Variants in LRRC7 observed in about 807,000 individuals in gnomAD.
The protein encoded by LRRC7 is leucine rich repeat containing 7, also known as leucine-rich repeat-containing protein 7.
In LRRC7, 23 loss-of-function variants were observed where a neutral mutation model predicts 175.7. The ratio of observed to expected loss-of-function variants is 0.13; its 90% CI spans 0.09 to 0.19. The LOEUF (loss-of-function observed/expected upper bound fraction) is 0.19. Among genes scored for constraint, LRRC7 ranks in the 10% least tolerant of loss-of-function variants. The probability of loss-of-function intolerance (pLI) is 1.00; values close to 1 mark genes in which losing one functional copy is unlikely to be tolerated. For missense variants in LRRC7, 1,354 were observed against 1,904.7 expected (o/e 0.71, Z 5.38); for synonymous variants, 685 against 680.9 (o/e 1.01, Z -0.09).
chr1:69,936,285 G>A (rs1648011183), intron 8 of LRRC7, among the ~76,000 whole-genome samples: 1 of 152,036 alleles, frequency 6.6e-6, no homozygotes, highest in Non-Finnish European at 1.5e-5. Context: ...AAAAATGTTA[G>A]GACTTGATTA....
At chr1:69,778,921 C>T (rs1673140902) in intron 3 of LRRC7, among the ~76,000 whole-genome samples, 1 of 145,240 alleles carries the variant, frequency 6.9e-6, no homozygotes, top group Admixed American at 6.9e-5. Context: ...CACATACACA[C>T]ACACACTCAT....
chr1:69,854,905 G>T (rs897764616), intron 7 of LRRC7, among the ~76,000 whole-genome samples: 3 of 152,072 alleles, frequency 2.0e-5, no homozygotes, highest in Non-Finnish European at 4.4e-5. Context: ...GGCGAAGTGG[G>T]GGGGACCTGG....
At chr1:69,801,377 C>A (rs1384168974) in intron 4 of LRRC7, among the ~76,000 whole-genome samples, 1 of 151,536 alleles carries the variant, frequency 6.6e-6, no homozygotes, top group African/African-American at 2.4e-5. Flanking sequence ...TGCCTTATTA[C>A]TGATTCTATC....
chr1:69,692,733 A>C (rs964195796), intron 2 of LRRC7, among the ~76,000 whole-genome samples: 2 of 152,218 alleles, frequency 1.3e-5, no homozygotes, highest in African/African-American at 4.8e-5. Flanking sequence ...GTGTGCTTGT[A>C]ATACACAGCA....
intron 17 of LRRC7, 136 bp downstream of exon 17, chr1:70,023,510 A>T: frequency 1.1e-6 from 1 of 947,004 alleles, no homozygotes; most frequent in Non-Finnish European, 1.4e-6. Context: ...CCAGTGTTTT[A>T]TCTCAATTTA....
intron 16 of LRRC7, 93 bp from the exon 17 acceptor site, chr1:70,023,033 G>A (rs1274264271): frequency 2.5e-5 from 35 of 1,376,690 alleles, no homozygotes; most frequent in Non-Finnish European, 3.4e-5. Flanking sequence ...ATAACTCAGA[G>A]TGAAAGAAAA....
chr1:69,793,133 G>T (rs966261507), intron 4 of LRRC7, among the ~76,000 whole-genome samples: 1 of 152,110 alleles, frequency 6.6e-6, no homozygotes, highest in African/African-American at 2.4e-5. Flanking sequence ...GAACAAAACA[G>T]ATCCTGCCCT....
intron 2 of LRRC7, among the ~76,000 whole-genome samples, chr1:69,697,188 AT>A (rs1662718832): frequency 6.6e-6 from 1 of 151,766 alleles, no homozygotes; most frequent in African/African-American, 2.4e-5. Flanking sequence ...CTATTTTTTT[AT>A]TTTTTTCCCA....
chr1:70,002,316 A>T (rs929614041), intron 11 of LRRC7, among the ~76,000 whole-genome samples: 1 of 152,212 alleles, frequency 6.6e-6, no homozygotes, highest in Non-Finnish European at 1.5e-5. Context: ...AGGGTAATAC[A>T]TGTGGCTTTG....
At chr1:69,872,213 T>C (rs1685622253) in intron 7 of LRRC7, among the ~76,000 whole-genome samples, 6 of 152,032 alleles carry the variant, frequency 3.9e-5, no homozygotes, top group African/African-American at 1.4e-4. Flanking sequence ...AGCATTTAAT[T>C]AGTTTGAATA....
chr1:69,775,330 T>G (rs1422284262), intron 3 of LRRC7, among the ~76,000 whole-genome samples: 1 of 152,250 alleles, frequency 6.6e-6, no homozygotes, highest in Non-Finnish European at 1.5e-5. Flanking sequence ...TTAATATTAT[T>G]CATTTCCAGC....
At position 69,941,291 on chromosome 1, in the gene LRRC7, A is replaced by G. The variant is rs75919957; in HGVS notation, c.711+9721A>G. Among the ~76,000 whole-genome samples the G allele has an allele frequency of 4.5e-4, 69 of 152,218 alleles. 1 individual carries two copies. In the East Asian group the frequency reaches 0.013, roughly 29 times the overall value. ...GGAAGCTCTTTGGAAGGGTTTGAGC[A>G]AGTAGAACCTCGATCTAACTCACAT... is the stretch of plus-strand genomic sequence containing the variant. On this transcript the variant is annotated intron_variant, in intron 8 of 26. Coordinates refer to ENST00000651989, the MANE Select transcript of LRRC7 (RefSeq NM_001370785.2).
rs763159387 is a variant in LRRC7 at position 69,980,474 on chromosome 1, C to A, written c.786+21C>A. 2.0e-6 allele frequency: 3 copies of A among 1,522,066 alleles called. No homozygotes were observed. In the South Asian group the frequency reaches 3.5e-5, roughly 18 times the overall value. The allele number at this position is 1,522,066 out of a possible 1,614,324, so 94.3% of individuals were successfully genotyped here. ...CTGGGGTATGTAAGTTTTTATTCTACCATGTTGTTTAATATTTGTTATACG... is the reference window on the plus strand; with the variant it reads ...CTGGGGTATGTAAGTTTTTATTCTAACATGTTGTTTAATATTTGTTATACG... On this transcript the variant is annotated intron_variant, in intron 9 of 26. Coordinates refer to ENST00000651989, the MANE Select transcript of LRRC7 (RefSeq NM_001370785.2).
intron 2 of LRRC7, among the ~76,000 whole-genome samples, chr1:69,739,756 C>T (rs543852577): frequency 1.3e-4 from 20 of 152,036 alleles, no homozygotes; most frequent in South Asian, 6.2e-4. Context: ...ACTGAAGATA[C>T]GAAGTCGTAT....
At chr1:70,025,597 C>T (rs750839265) in intron 17 of LRRC7, among the ~76,000 whole-genome samples, 20 of 152,076 alleles carry the variant, frequency 1.3e-4, no homozygotes, top group African/African-American at 2.4e-4. Flanking sequence ...ATTTTAGCTC[C>T]GGATTAACTC....
intron 8 of LRRC7, among the ~76,000 whole-genome samples, chr1:69,976,531 A>G (rs1652838663): frequency 6.6e-6 from 1 of 152,162 alleles, no homozygotes; most frequent in South Asian, 2.1e-4. Flanking sequence ...TTTTAATCCA[A>G]TCAAGTAAAC....
chr1:69,679,356 A>G (rs1660188914), intron 2 of LRRC7, among the ~76,000 whole-genome samples: 1 of 152,110 alleles, frequency 6.6e-6, no homozygotes, highest in Non-Finnish European at 1.5e-5. Flanking sequence ...TTTTAAGATT[A>G]TATTGGCGTT....
At chr1:70,088,703 A>G (rs1321577702) in intron 24 of LRRC7, among the ~76,000 whole-genome samples, 1 of 152,156 alleles carries the variant, frequency 6.6e-6, no homozygotes. Flanking sequence ...CATTTTTACC[A>G]TAGCCCACAT....
chr1:70,078,699 G>A (rs1026646132), intron 24 of LRRC7, among the ~76,000 whole-genome samples: 11 of 152,052 alleles, frequency 7.2e-5, no homozygotes, highest in South Asian at 2.1e-4. Flanking sequence ...CTTCCTGAGC[G>A]TCTGTTTCTC....
Sources: allele counts gnomAD v4.1 joint callset (sites outside exome capture counted in the v4.1 genomes callset), GRCh38; gene constraint gnomAD v4.1.1; transcripts MANE v1.5; gene names NCBI Gene and HGNC (gene_info 2026-07-23, HGNC 2026-07-21).